Variants in GXYLT2 observed in about 807,000 individuals in gnomAD.
GXYLT2 encodes the protein glucoside xylosyltransferase 2.
GXYLT2 carries 53 observed loss-of-function variants against 45.8 expected under a neutral mutation model. That is an observed-to-expected ratio of 1.16 (90% confidence interval 0.93 to 1.46). The LOEUF (loss-of-function observed/expected upper bound fraction) is 1.46. Among genes scored for constraint, GXYLT2 ranks in the 40% most tolerant of loss-of-function variants. The pLI, the probability that GXYLT2 is intolerant of heterozygous loss-of-function variation, is 0.00. For missense variants in GXYLT2, 551 were observed against 544.4 expected, an observed-to-expected ratio of 1.01 and a Z score of -0.12; for synonymous variants, 219 against 214.2, an observed-to-expected ratio of 1.02 and a Z score of -0.19.
intron 3 of GXYLT2, among the ~76,000 whole-genome samples, chr3:72,948,820 A>G (rs1006144177): frequency 2.6e-4 from 37 of 143,918 alleles, no homozygotes; most frequent in African/African-American, 9.4e-4. Flanking sequence ...CTGGTGACAG[A>G]GCAAGATTCT....
intron 3 of GXYLT2, among the ~76,000 whole-genome samples, chr3:72,950,827 A>G (rs1345544314): frequency 2.0e-5 from 3 of 152,330 alleles, no homozygotes; most frequent in East Asian, 3.9e-4. Flanking sequence ...CTTGCTGCCC[A>G]TGGCCAGTCT....
chr3:72,922,431 A>G (rs1298780394), intron 3 of GXYLT2, 96 bp downstream of exon 3: 10 of 1,245,958 alleles, frequency 8.0e-6, no homozygotes, highest in Admixed American at 2.2e-5. Context: ...TAACAGCTGA[A>G]AACCTGTGTC....
At chr3:72,896,574 C>T (rs1489955849) in intron 1 of GXYLT2, among the ~76,000 whole-genome samples, 1 of 151,996 alleles carries the variant, frequency 6.6e-6, no homozygotes, top group East Asian at 1.9e-4. Flanking sequence ...TGTGGCCAGG[C>T]GCGGTGGCTT....
chr3:72,901,554 CTTT>C (rs71124002), intron 1 of GXYLT2, among the ~76,000 whole-genome samples: 187 of 77,128 alleles, frequency 2.4e-3, no homozygotes, highest in African/African-American at 0.01. Flanking sequence ...AACATTTTCG[CTTT>C]TTTTTTTTTT....
intron 1 of GXYLT2, among the ~76,000 whole-genome samples, chr3:72,907,045 A>G (rs1709525131): frequency 6.6e-6 from 1 of 152,200 alleles, no homozygotes; most frequent in Non-Finnish European, 1.5e-5. Flanking sequence ...TGGACCACCC[A>G]GAGGGCTGTC....
chr3:72,972,666 C>G lies in GXYLT2; in HGVS notation c.1150-2311C>G, dbSNP rs543320443. ...GGAAAAAAAAAAAAAAAAAAAGAAG[C>G]ATATATTCTGGTGGGGGAAGCCAGA... is the stretch of plus-strand genomic sequence containing the variant. On this transcript the variant is annotated intron_variant, in intron 6 of 6. Transcript: ENST00000389617. Among the ~76,000 whole-genome samples, 8 of 119,260 alleles carry G rather than the reference C, an allele frequency of 6.7e-5. No homozygotes were observed. The South Asian group carries it at 2.1e-3, about 31-fold the overall frequency. 78.2% of individuals were successfully genotyped at this position (119,260 alleles called of 152,430 possible).
chr3:72,933,949 G>A (rs1710128077), intron 3 of GXYLT2, among the ~76,000 whole-genome samples: 1 of 152,086 alleles, frequency 6.6e-6, no homozygotes, highest in African/African-American at 2.4e-5. Flanking sequence ...GATGTTGGGA[G>A]TTCTCAGAAT....
Position 72,957,224 on chromosome 3 carries a change from T to G in GXYLT2, c.853-5T>G. The G allele has an allele frequency of 6.2e-7, 1 of 1,606,872 alleles. No individual in the cohort carries two copies. ...CAGCTGTTCTGATGGTTTTCTTTTT[T>G]CCAGAACAGCATGATTCCAACAGGC... On this transcript the variant is annotated splice_region_variant and splice_polypyrimidine_tract_variant and intron_variant, in intron 4 of 6. Transcript: ENST00000389617.
rs1477482358 is a variant in GXYLT2 at position 72,975,617 on chromosome 3, C to T, written c.*458C>T. ...TTGTAGAGCATATGGGTCAAGGGCT[C>T]AACATCAAGATTAGATTAGCCATAA... On this transcript the variant is annotated 3_prime_UTR_variant, in exon 7 of 7. Coordinates refer to ENST00000389617, the MANE Select transcript of GXYLT2 (RefSeq NM_001080393.2). 4 of 153,158 alleles carry T rather than the reference C, an allele frequency of 2.6e-5. No individual in the cohort carries two copies. Among genetic ancestry groups the T allele is most frequent in the African/African-American group, 4.8e-5 (2 of 41,468 alleles). The allele number at this position is 153,158 out of a possible 1,614,324, so 9.5% of individuals were successfully genotyped here. A position where few individuals can be genotyped will look rare whatever the true frequency, so the allele number is the denominator to read the frequency against.
chr3:72,947,973 A>G (rs1710443687), intron 3 of GXYLT2, among the ~76,000 whole-genome samples: 1 of 152,226 alleles, frequency 6.6e-6, no homozygotes. Flanking sequence ...TGTACACTTC[A>G]TAACAAAGCT....
intron 6 of GXYLT2, among the ~76,000 whole-genome samples, chr3:72,973,120 T>C (rs1261014133): frequency 6.6e-6 from 1 of 151,644 alleles, no homozygotes; most frequent in East Asian, 1.9e-4. Context: ...TCCTCTGAGA[T>C]AGTGAAAGGT....
intron 3 of GXYLT2, among the ~76,000 whole-genome samples, chr3:72,928,794 A>AC (rs1553707392): frequency 1.3e-5 from 2 of 150,590 alleles, no homozygotes; most frequent in African/African-American, 4.9e-5. Context: ...CCAAAAAAAA[A>AC]CCCCATAAAA....
chr3:72,915,358 G>GA (rs1223111101), intron 2 of GXYLT2, among the ~76,000 whole-genome samples: 1 of 103,990 alleles, frequency 9.6e-6, no homozygotes, highest in African/African-American at 6.0e-5. Flanking sequence ...TTTTTTTGCG[G>GA]GGGGGGGGGG....
intron 3 of GXYLT2, among the ~76,000 whole-genome samples, chr3:72,941,516 A>G (rs1348397770): frequency 6.6e-6 from 1 of 152,104 alleles, no homozygotes; most frequent in East Asian, 1.9e-4. Flanking sequence ...TTGCCTGGAG[A>G]CAATAACCTG....
chr3:72,896,037 A>G lies in GXYLT2; in HGVS notation c.275+7529A>G, dbSNP rs114310528. Among the ~76,000 whole-genome samples the G allele has an allele frequency of 6.5e-3, 988 of 152,364 alleles. 12 individuals are homozygous for G. Among genetic ancestry groups the G allele is most frequent in the African/African-American group, 0.023 (944 of 41,588 alleles). On this transcript the variant is annotated intron_variant, in intron 1 of 6. Coordinates refer to ENST00000389617, the MANE Select transcript of GXYLT2 (RefSeq NM_001080393.2). ...GTACATAAAGCACCTAGCACAGTAG[A>G]TTAGCTCATAGGAGTCACCAAATGA...
chr3:72,939,659 G>A (rs1710262458), intron 3 of GXYLT2, among the ~76,000 whole-genome samples: 2 of 150,022 alleles, frequency 1.3e-5, no homozygotes, highest in Non-Finnish European at 3.0e-5. Flanking sequence ...TGTATAGTAT[G>A]ATTCTATAGG....
At chr3:72,954,966 C>A in intron 3 of GXYLT2, 132 bp from the exon 4 acceptor site, 1 of 861,652 alleles carries the variant, frequency 1.2e-6, no homozygotes, top group Non-Finnish European at 1.8e-6. Context: ...TGGTACCTTT[C>A]CAGAATTTAA....
intron 1 of GXYLT2, among the ~76,000 whole-genome samples, chr3:72,895,604 G>A (rs1217463390): frequency 2.6e-5 from 4 of 152,028 alleles, no homozygotes; most frequent in Non-Finnish European, 5.9e-5. Flanking sequence ...AGAAAAAAAA[G>A]ACAAAATTTT....
rs186338762 is a variant in GXYLT2 at position 72,954,502 on chromosome 3, T to C, written c.601-596T>C. ...GGCCCCCCATTAACACTAGAAGAAA[T>C]GGATCCAAAGATGGAGAGTATTTAC... On this transcript the variant is annotated intron_variant, in intron 3 of 6. Transcript: ENST00000389617. 2.2e-3 allele frequency among the ~76,000 whole-genome samples: 332 copies of C among 150,252 alleles called. 2 individuals carry two copies. Among genetic ancestry groups the C allele is most frequent in the African/African-American group, 7.7e-3 (317 of 40,932 alleles).
Sources: gnomAD v4.1 joint callset for allele counts (sites outside exome capture counted in the v4.1 genomes callset) on GRCh38, gnomAD v4.1.1 for gene constraint, MANE v1.5 for transcripts, NCBI Gene and HGNC (gene_info 2026-07-23, HGNC 2026-07-21) for gene names.